MTMR8: variants seen among roughly 807,000 people sequenced by gnomAD.
MTMR8 encodes the protein myotubularin related protein 8, also known as phosphatidylinositol-3,5-bisphosphate 3-phosphatase MTMR8.
Under a neutral mutation model 39.3 loss-of-function variants are expected in MTMR8, and 65 were observed. That is an observed-to-expected ratio of 1.65 (90% CI 1.35 to 2.03). The LOEUF (loss-of-function observed/expected upper bound fraction) is 2.03, where lower values mean the gene tolerates loss of function less well. Ranked by LOEUF, MTMR8 falls within the 30% of genes most tolerant of loss-of-function variation. The pLI is 0.00. For missense variants in MTMR8, 777 were observed against 538.9 expected, an observed-to-expected ratio of 1.44 and a Z score of -4.37; for synonymous variants, 245 against 185.2, an observed-to-expected ratio of 1.32 and a Z score of -2.62.
rs764053169 is a variant in MTMR8 at position 64,269,018 on chromosome X, G to C, written c.1634C>G (p.Pro545Arg). Residue 545 changes from proline (P) to arginine (R), a missense_variant, in exon 14 of 14, where the codon CCA becomes CGA. Pro to Arg is a moderately radical substitution (Grantham distance 103). Transcript: ENST00000374852. ...EKKLKVRDEP[P>R]EEICTCSQLG... The stretch of plus-strand genomic sequence containing the variant: ...TTGAGAGCAGGTACAGATCTCTTCT[G>C]GTGGCTCATCACGGACTTTTAGTTT... The C allele has an allele frequency of 8.3e-7, 1 of 1,208,138 alleles. No homozygotes were observed. The highest frequency in any genetic ancestry group is 3.0e-5 in the East Asian group (1 of 33,719).
chrX:64,279,381 A>T (rs1180095775), intron 12 of MTMR8, among the ~76,000 whole-genome samples: 1 of 112,218 alleles, frequency 8.9e-6, no homozygotes, highest in Non-Finnish European at 1.9e-5. Context: ...TACCTTTAAG[A>T]TTGTGAATGA....
At chrX:64,284,348 T>C (rs930032807) in intron 12 of MTMR8, among the ~76,000 whole-genome samples, 2 of 112,171 alleles carry the variant, frequency 1.8e-5, no homozygotes, top group African/African-American at 6.5e-5. Flanking sequence ...CTATGTCTGA[T>C]TGGTGTACCT....
At chrX:64,295,042 A>G in intron 12 of MTMR8, among the ~76,000 whole-genome samples, 1 of 110,891 alleles carries the variant, frequency 9.0e-6, no homozygotes, top group East Asian at 2.8e-4. Flanking sequence ...ACTGGTAAAG[A>G]AGATCCAACA....
At chrX:64,380,901 A>G (rs891156401) in intron 1 of MTMR8, among the ~76,000 whole-genome samples, 1 of 111,820 alleles carries the variant, frequency 8.9e-6, no homozygotes, top group South Asian at 3.8e-4. Context: ...AGCTTCATCC[A>G]TGACCCTACA....
chrX:64,347,001 G>A (rs955657161), intron 6 of MTMR8, among the ~76,000 whole-genome samples: 1 of 111,094 alleles, frequency 9.0e-6, no homozygotes, highest in Non-Finnish European at 1.9e-5. Context: ...CAAAATGGGT[G>A]CTATATTATC....
chrX:64,291,249 T>C (rs1343245995), intron 12 of MTMR8, among the ~76,000 whole-genome samples: 4 of 110,915 alleles, frequency 3.6e-5, no homozygotes, highest in Non-Finnish European at 1.9e-5. Flanking sequence ...TTTAACCCTT[T>C]AGAGCCTGCC....
chrX:64,340,958 A>T (rs1012890990), intron 8 of MTMR8, among the ~76,000 whole-genome samples: 4 of 112,288 alleles, frequency 3.6e-5, no homozygotes, highest in African/African-American at 1.3e-4. Context: ...ATTTGGCCAC[A>T]TCTATTAAAA....
At chrX:64,382,851 A>G (rs1287998373) in intron 1 of MTMR8, among the ~76,000 whole-genome samples, 1 of 111,634 alleles carries the variant, frequency 9.0e-6, no homozygotes, top group Non-Finnish European at 1.9e-5. Flanking sequence ...GGAGAAGTTT[A>G]AGAAATACTG....
At chrX:64,323,111 G>C in intron 12 of MTMR8, among the ~76,000 whole-genome samples, 2 of 112,095 alleles carry the variant, frequency 1.8e-5, no homozygotes, top group Non-Finnish European at 3.8e-5. Flanking sequence ...CTTCCATGGA[G>C]CCCTGCCCCA....
chrX:64,304,772 T>G lies in MTMR8; in HGVS notation c.1481+24000A>C, dbSNP rs1040927075. 4.9e-5 allele frequency among the ~76,000 whole-genome samples: 5 copies of G among 101,349 alleles called. No homozygotes were observed. The South Asian group carries it at 1.5e-3, about 30-fold the overall frequency. The allele number at this position is 101,349 out of a possible 115,157, so 88.0% of individuals were successfully genotyped here. ...CCATCTTGACCACATTTGGGCATTT[T>G]CTGTGATTCCAAATGAAATCTTCAC... On this transcript the variant is annotated intron_variant, in intron 12 of 13. Transcript: ENST00000374852.
chrX:64,304,889 T>TATATATAC (rs1922035561), intron 12 of MTMR8, among the ~76,000 whole-genome samples: 4 of 78,016 alleles, frequency 5.1e-5, no homozygotes, highest in Non-Finnish European at 7.3e-5. Context: ...TATATATATA[T>TATATATAC]ATATATATAT....
chrX:64,305,884 G>A (rs1922095930), intron 12 of MTMR8: 1 of 255,843 alleles, frequency 3.9e-6, no homozygotes, highest in African/African-American at 2.8e-5. Flanking sequence ...GGGAGGCTGA[G>A]GCAGGAGGAT....
At chrX:64,350,214 C>G in intron 4 of MTMR8, 144 bp from the exon 5 acceptor site, 1 of 260,846 alleles carries the variant, frequency 3.8e-6, no homozygotes, top group Non-Finnish European at 5.9e-6. Context: ...GTAAGTCACA[C>G]CTAAAATGTC....
At chrX:64,281,492 A>G (rs1932012327) in intron 12 of MTMR8, among the ~76,000 whole-genome samples, 2 of 112,110 alleles carry the variant, frequency 1.8e-5, no homozygotes, top group South Asian at 7.5e-4. Flanking sequence ...AAAACTGGCT[A>G]GCCATTTGCA....
chrX:64,372,697 G>T (rs1385729421), intron 1 of MTMR8, among the ~76,000 whole-genome samples: 1 of 111,418 alleles, frequency 9.0e-6, no homozygotes, highest in Non-Finnish European at 1.9e-5. Flanking sequence ...CAACTGTATG[G>T]ATATATCATA....
chrX:64,352,757 A>G (rs944631763), intron 4 of MTMR8, among the ~76,000 whole-genome samples: 4 of 111,467 alleles, frequency 3.6e-5, no homozygotes, highest in African/African-American at 1.3e-4. Flanking sequence ...TTTTAAAACC[A>G]TCTCCTTTCC....
intron 12 of MTMR8, among the ~76,000 whole-genome samples, chrX:64,294,748 A>G (rs1411278462): frequency 1.8e-5 from 2 of 111,602 alleles, no homozygotes; most frequent in Non-Finnish European, 3.8e-5. Context: ...ACAGAAGGAG[A>G]AAACAATGTC....
chrX:64,360,312 C>T, intron 1 of MTMR8: 1 of 262,293 alleles, frequency 3.8e-6, no homozygotes. Flanking sequence ...AAGCAACTAG[C>T]AGAACTGCAA....
At chrX:64,347,008 T>A (rs1923363322) in intron 6 of MTMR8, among the ~76,000 whole-genome samples, 1 of 111,343 alleles carries the variant, frequency 9.0e-6, no homozygotes, top group African/African-American at 3.3e-5. Flanking sequence ...GGTGCTATAT[T>A]ATCCCCATAA....
Sources: gnomAD v4.1 joint callset for allele counts (sites outside exome capture counted in the v4.1 genomes callset) on GRCh38, gnomAD v4.1.1 for gene constraint, MANE v1.5 for transcripts, NCBI Gene and HGNC (gene_info 2026-07-23, HGNC 2026-07-21) for gene names.